PIEZO1: variants seen among roughly 807,000 people sequenced by gnomAD.
PIEZO1 encodes the protein piezo-type mechanosensitive ion channel component 1.
In PIEZO1, 296 loss-of-function variants were observed where a neutral mutation model predicts 297.2. The ratio of observed to expected loss-of-function variants is 1.00; its 90% CI spans 0.91 to 1.10. The LOEUF is 1.10. Ranked by LOEUF, PIEZO1 falls within the 50% of genes least tolerant of loss-of-function variation. The pLI is 0.00. For synonymous variants in PIEZO1, 2,427 were observed against 1,507.5 expected, an observed-to-expected ratio of 1.61 and a Z score of -14.13; for missense variants, 5,018 against 3,455.5, an observed-to-expected ratio of 1.45 and a Z score of -11.34.
rs766341412 is a variant in PIEZO1, at chr16:88,725,057, A to C, written c.4186T>G (p.Ser1396Ala). The change falls in exon 30 of 51, where the codon TCC becomes GCC. Residue 1396 changes from serine to alanine, a missense_variant. By Grantham distance (99) the Ser-to-Ala change is moderately conservative. Transcript: ENST00000301015. ...EPGPDSPGGS[S>A]PPRRQWWRPW... ...CGCCACCACTGCCTCCGTGGCGGGG[A>C]GGAGCCCCCTGGACTGTCGGGCCCT... 2.0e-6 allele frequency: 3 copies of C among 1,500,122 alleles called. No homozygotes were observed. In the South Asian group the frequency reaches 3.9e-5, roughly 20 times the overall value. 92.9% of individuals were successfully genotyped at this position (1,500,122 alleles called of 1,614,324 possible). A position where few individuals can be genotyped will look rare whatever the true frequency, so the allele number is the denominator to read the frequency against.
At chr16:88,747,042 C>T (rs1906098612) in intron 2 of PIEZO1, among the ~76,000 whole-genome samples, 2 of 152,202 alleles carry the variant, frequency 1.3e-5, no homozygotes, top group Admixed American at 1.3e-4. Context: ...AAATGCCTCT[C>T]TGCACCCCTG....
intron 44 of PIEZO1, chr16:88,717,811 G>A (rs926447279): frequency 4.7e-5 from 21 of 448,862 alleles, no homozygotes; most frequent in South Asian, 9.7e-5. Context: ...CAATGTATCT[G>A]CAGAAAAACA....
Position 88,715,665 on chromosome 16 carries a change from C to G in PIEZO1, c.7506G>C (p.Lys2502Asn). The G allele has an allele frequency of 6.5e-7, 1 of 1,550,354 alleles. No individual in the cohort carries two copies. Among genetic ancestry groups the G allele is most frequent in the Non-Finnish European group, 8.7e-7 (1 of 1,146,954 alleles). The change falls in exon 51 of 51, where the codon AAG becomes AAC. Residue 2502 changes from lysine to asparagine, a missense_variant. Physicochemically the swap from Lys to Asn is moderately conservative, Grantham distance 94 (BLOSUM62 0). Transcript: ENST00000301015. ...ELELEEELYA[K>N]LIFLYRSPET... The stretch of plus-strand genomic sequence containing the variant: ...CCGGTGAGCGGTAGAGGAAGATGAG[C>G]TTGGCGTACAACTCCTCCTCCAGCT...
chr16:88,742,072 G>C lies in PIEZO1; in HGVS notation c.307C>G (p.Arg103Gly), dbSNP rs759026521. The C allele has an allele frequency of 2.0e-6, 3 of 1,536,064 alleles. No individual in the cohort carries two copies. The highest frequency in any genetic ancestry group is 3.9e-5 in the Admixed American group (2 of 50,978). Residue 103 changes from arginine to glycine, a missense_variant, in exon 4 of 51, where the codon CGA becomes GGA. By Grantham distance (125) the Arg-to-Gly change is moderately radical. Transcript: ENST00000301015. Reference sequence around the variant, plus strand: ...TCTTACCTTGTGACCCCTATGTGTCGCGAGAGGGTCTCCCAGCGGCTGCCT... The same window carrying C: ...TCTTACCTTGTGACCCCTATGTGTCCCGAGAGGGTCTCCCAGCGGCTGCCT... ...PSCSRWETLS[R>G]HIGVTRLDLK...
chr16:88,749,498 T>C lies in PIEZO1; in HGVS notation c.65-19A>G. The stretch of plus-strand genomic sequence containing the variant: ...AGGCAGGCTGCGGGGAGATGGGCGT[T>C]AACTAGGTCGCCAACAGAGGATGGC... On this transcript the variant is annotated intron_variant, in intron 1 of 50. Coordinates refer to ENST00000301015, the MANE Select transcript of PIEZO1 (RefSeq NM_001142864.4). 5.9e-6 allele frequency: 9 copies of C among 1,515,382 alleles called. No individual in the cohort carries two copies. Among genetic ancestry groups the C allele is most frequent in the Non-Finnish European group, 6.2e-6 (7 of 1,133,992 alleles). The allele number at this position is 1,515,382 out of a possible 1,614,324, so 93.9% of individuals were successfully genotyped here. A position where few individuals can be genotyped will look rare whatever the true frequency, so the allele number is the denominator to read the frequency against.
chr16:88,783,703 AAG>A (rs1454088093), intron 1 of PIEZO1, among the ~76,000 whole-genome samples: 1 of 152,220 alleles, frequency 6.6e-6, no homozygotes, highest in Non-Finnish European at 1.5e-5. Flanking sequence ...GACCGCACTG[AAG>A]AGAGTTGCTC....
chr16:88,732,609 G>A lies in PIEZO1; in HGVS notation c.2788C>T (p.Gln930Ter), dbSNP rs1365142720. 1.3e-6 allele frequency: 2 copies of A among 1,548,748 alleles called. No homozygotes were observed. Among genetic ancestry groups the A allele is most frequent in the Non-Finnish European group, 8.7e-7 (1 of 1,145,976 alleles). The change falls in exon 20 of 51, where the codon CAG becomes TAG. Residue 930 changes from glutamine to a stop codon, truncating the protein, a stop_gained and splice_region_variant. Coordinates refer to ENST00000301015, the MANE Select transcript of PIEZO1 (RefSeq NM_001142864.4). LOFTEE classifies it high-confidence loss of function. The stretch of plus-strand genomic sequence containing the variant: ...CGCCCACCAGCCCTTCAACTCACCT[G>A]GATGTAGCCCAGGTTGGGGAACCCT... ...RKGFPNLGYI[Q>*]NHLQVLLLLV...
chr16:88,762,878 G>T (rs1053267373), intron 1 of PIEZO1, among the ~76,000 whole-genome samples: 1 of 152,154 alleles, frequency 6.6e-6, no homozygotes, highest in Non-Finnish European at 1.5e-5. Context: ...GAGTTCACAG[G>T]TCCCACAGGC....
intron 21 of PIEZO1, 142 bp downstream of exon 21, chr16:88,732,185 AGGGAAGCC>A: frequency 1.5e-6 from 1 of 661,732 alleles, no homozygotes; most frequent in Non-Finnish European, 2.6e-6. Flanking sequence ...ACAGGAGTCC[AGGGAAGCC>A]GTGCCTGGCC....
intron 1 of PIEZO1, among the ~76,000 whole-genome samples, chr16:88,766,707 G>GA (rs370561995): frequency 2.0e-5 from 3 of 152,208 alleles, no homozygotes; most frequent in Non-Finnish European, 4.4e-5. Flanking sequence ...GCAACCAAGG[G>GA]AAAAAAATCA....
At chr16:88,742,465 A>G in intron 2 of PIEZO1, 43 bp from the exon 3 acceptor site, 1 of 1,526,556 alleles carries the variant, frequency 6.6e-7, no homozygotes, top group Non-Finnish European at 8.7e-7. Flanking sequence ...GGGGACGGGG[A>G]GGGGCCGCAG....
At chr16:88,738,471 T>A in intron 6 of PIEZO1, 31 bp from the exon 7 acceptor site, 1 of 1,532,858 alleles carries the variant, frequency 6.5e-7, no homozygotes, top group Non-Finnish European at 8.7e-7. Flanking sequence ...GGGTGGTACC[T>A]GGCCAGTGCC....
At chr16:88,754,513 C>T (rs1026847773) in intron 1 of PIEZO1, among the ~76,000 whole-genome samples, 1 of 152,194 alleles carries the variant, frequency 6.6e-6, no homozygotes, top group Non-Finnish European at 1.5e-5. Context: ...AGAAACTGCC[C>T]AACCCTCGTT....
At chr16:88,751,932 AG>A (rs1158978847) in intron 1 of PIEZO1, among the ~76,000 whole-genome samples, 5 of 152,148 alleles carry the variant, frequency 3.3e-5, no homozygotes, top group African/African-American at 1.2e-4. Context: ...CAAGTGCACC[AG>A]GGTTGGGTTC....
At chr16:88,769,469 C>T (rs979894215) in intron 1 of PIEZO1, among the ~76,000 whole-genome samples, 21 of 152,226 alleles carry the variant, frequency 1.4e-4, no homozygotes, top group African/African-American at 5.1e-4. Context: ...GCTACACCAT[C>T]CTCGCATTTT....
intron 1 of PIEZO1, among the ~76,000 whole-genome samples, chr16:88,759,279 G>C (rs1030834576): frequency 3.9e-5 from 6 of 152,244 alleles, no homozygotes; most frequent in Non-Finnish European, 5.9e-5. Flanking sequence ...CAGGCACCTT[G>C]CTAGGTCTTG....
intron 26 of PIEZO1, 23 bp from the exon 27 acceptor site, chr16:88,726,478 G>C (rs922052976): frequency 9.5e-5 from 147 of 1,548,374 alleles, no homozygotes; most frequent in Non-Finnish European, 1.2e-4. Context: ...CACCGGCAAG[G>C]GTCAGGCCCA....
chr16:88,721,364 C>T lies in PIEZO1; in HGVS notation c.5470G>A (p.Glu1824Lys), dbSNP rs776693929. 7.7e-6 allele frequency: 12 copies of T among 1,549,340 alleles called. No homozygotes were observed. The highest frequency in any genetic ancestry group is 1.0e-5 in the Non-Finnish European group (12 of 1,146,922). Residue 1824 changes from glutamate to lysine, a missense_variant, in exon 39 of 51, where the codon GAG becomes AAG. By Grantham distance (56) the Glu-to-Lys change is moderately conservative. Coordinates refer to ENST00000301015, the MANE Select transcript of PIEZO1 (RefSeq NM_001142864.4). ...SKEHDKSGEE[E>K]QGAEEGPGVP... ...CCTGGCCCCTCCTCGGCTCCCTGCT[C>T]CTCCTCGCCGCTCTTGTCATGCTCC...
Position 88,734,533 on chromosome 16 carries a change from C to A in PIEZO1, c.2003G>T (p.Gly668Val). 6.5e-7 allele frequency: 1 copy of A among 1,542,614 alleles called. No homozygotes were observed. Residue 668 changes from glycine (G) to valine (V), a missense_variant, in exon 16 of 51, where the codon GGG becomes GTG. Physicochemically the swap from Gly to Val is moderately radical, Grantham distance 109 (BLOSUM62 -3). Transcript: ENST00000301015. ...NLTGFTDEQL[G>V]DLGLEQFSVS... ...GCTGAACTGCTCCAGGCCCAGGTCC[C>A]CCAGCCTGTGGAGGGGCAGCATCAG... is the stretch of plus-strand genomic sequence containing the variant.
Sources: gnomAD v4.1 joint callset for allele counts (sites outside exome capture counted in the v4.1 genomes callset) on GRCh38, gnomAD v4.1.1 for gene constraint, MANE v1.5 for transcripts, NCBI Gene and HGNC (gene_info 2026-07-23, HGNC 2026-07-21) for gene names.